The following GPC5 variants were observed in gnomAD, a reference collection of about 807,000 sequenced individuals.
GPC5 encodes the protein glypican-5.
A neutral mutation model predicts 53.9 loss-of-function variants in GPC5; 47 were observed. The observed-to-expected ratio is 0.87, with a 90% CI of 0.69 to 1.11. The LOEUF is 1.11. GPC5 is among the 50% of genes most tolerant of loss of function. GPC5 has a pLI of 0.00. For missense variants in GPC5, 748 were observed against 713.1 expected (o/e 1.05, Z -0.56); for synonymous variants, 286 against 263.3 (o/e 1.09, Z -0.84).
At chr13:92,527,824 A>T (rs1881421495) in intron 7 of GPC5, among the ~76,000 whole-genome samples, 1 of 152,138 alleles carries the variant, frequency 6.6e-6, no homozygotes. Context: ...TATAACACAG[A>T]GAAAATTACT....
At chr13:92,068,281 T>C (rs1162099570) in intron 6 of GPC5, among the ~76,000 whole-genome samples, 5 of 151,848 alleles carry the variant, frequency 3.3e-5, no homozygotes, top group African/African-American at 1.2e-4. Flanking sequence ...TAACAAAATA[T>C]TGATTCTAAA....
chr13:91,573,046 C>G (rs1183195090), intron 2 of GPC5, among the ~76,000 whole-genome samples: 1 of 152,144 alleles, frequency 6.6e-6, no homozygotes, highest in African/African-American at 2.4e-5. Context: ...TGAACAATGG[C>G]CCCTGTTACT....
intron 7 of GPC5, among the ~76,000 whole-genome samples, chr13:92,434,761 C>T (rs1877234171): frequency 6.6e-6 from 1 of 152,090 alleles, no homozygotes. Flanking sequence ...TATTAAAATA[C>T]CCTCCTAAAG....
intron 6 of GPC5, among the ~76,000 whole-genome samples, chr13:92,032,116 AT>A (rs2040857161): frequency 6.9e-6 from 1 of 145,638 alleles, no homozygotes; most frequent in Non-Finnish European, 1.5e-5. Context: ...AAAGGAACAA[AT>A]TAATGGCATT....
intron 7 of GPC5, among the ~76,000 whole-genome samples, chr13:92,596,247 A>C (rs1467949713): frequency 6.6e-6 from 1 of 152,192 alleles, no homozygotes; most frequent in Admixed American, 6.5e-5. Context: ...TTCTCAGAAA[A>C]TATCACTTAC....
At chr13:91,716,963 C>T (rs111586377) in intron 3 of GPC5, among the ~76,000 whole-genome samples, 17 of 152,210 alleles carry the variant, frequency 1.1e-4, no homozygotes, top group Non-Finnish European at 4.4e-5. Flanking sequence ...TTACTGAGAA[C>T]AACTGTAAAC....
chr13:92,496,685 G>A (rs964585602), intron 7 of GPC5, among the ~76,000 whole-genome samples: 2 of 152,158 alleles, frequency 1.3e-5, no homozygotes, highest in Admixed American at 6.5e-5. Context: ...AGCTTACTAA[G>A]CTTTAAGAAA....
chr13:92,441,500 A>T (rs1566591870), intron 7 of GPC5, among the ~76,000 whole-genome samples: 1 of 152,228 alleles, frequency 6.6e-6, no homozygotes, highest in East Asian at 1.9e-4. Context: ...CAGGATACAA[A>T]ATCAGTGTAC....
chr13:92,514,916 C>T (rs1475016855), intron 7 of GPC5, among the ~76,000 whole-genome samples: 1 of 152,162 alleles, frequency 6.6e-6, no homozygotes, highest in African/African-American at 2.4e-5. Context: ...ATTTCATGCA[C>T]CGTCATTGAC....
chr13:92,578,541 G>A (rs373081789), intron 7 of GPC5, among the ~76,000 whole-genome samples: 1 of 152,238 alleles, frequency 6.6e-6, no homozygotes, highest in South Asian at 2.1e-4. Flanking sequence ...AGCGTAATGC[G>A]GTCTGAGTCC....
intron 7 of GPC5, among the ~76,000 whole-genome samples, chr13:92,268,477 C>T (rs142765998): frequency 9.9e-4 from 151 of 151,930 alleles, no homozygotes; most frequent in African/African-American, 3.3e-3. Flanking sequence ...GTGGTACCTA[C>T]ATATCTTTAT....
chr13:91,401,874 T>TA (rs1658190054), intron 1 of GPC5, among the ~76,000 whole-genome samples: 1 of 152,172 alleles, frequency 6.6e-6, no homozygotes, highest in African/African-American at 2.4e-5. Context: ...ATGAGAAATG[T>TA]AAAAAAGGAG....
intron 2 of GPC5, among the ~76,000 whole-genome samples, chr13:91,453,406 A>C (rs1442831963): frequency 6.6e-6 from 1 of 152,052 alleles, no homozygotes; most frequent in East Asian, 1.9e-4. Flanking sequence ...CACAGGATAT[A>C]GTTAATATTC....
At chr13:92,293,415 T>G (rs2043011449) in intron 7 of GPC5, among the ~76,000 whole-genome samples, 1 of 145,166 alleles carries the variant, frequency 6.9e-6, no homozygotes, top group Non-Finnish European at 1.5e-5. Context: ...GGTTGGTTGG[T>G]TGGTTTCTTT....
chr13:92,422,580 TGA>T (rs2090859859), intron 7 of GPC5, among the ~76,000 whole-genome samples: 1 of 149,616 alleles, frequency 6.7e-6, no homozygotes, highest in Non-Finnish European at 1.5e-5. Context: ...TGACGAGAGG[TGA>T]GATTAGCCTG....
chr13:92,679,096 G>A (rs145577569), intron 7 of GPC5, among the ~76,000 whole-genome samples: 136 of 152,254 alleles, frequency 8.9e-4, no homozygotes, highest in African/African-American at 3.1e-3. Context: ...ATCTGAGTTC[G>A]GGAGATTTGA....
intron 6 of GPC5, among the ~76,000 whole-genome samples, chr13:91,991,919 A>T (rs2040460406): frequency 6.6e-6 from 1 of 152,236 alleles, no homozygotes; most frequent in Non-Finnish European, 1.5e-5. Flanking sequence ...CCAAATAAAA[A>T]ATGTATTATT....
intron 6 of GPC5, among the ~76,000 whole-genome samples, chr13:92,135,091 A>G (rs999091616): frequency 6.6e-6 from 1 of 151,924 alleles, no homozygotes; most frequent in African/African-American, 2.4e-5. Context: ...TACATTGCTT[A>G]CTCACAAAAT....
At chr13:91,597,145 T>C (rs2033024373) in intron 2 of GPC5, among the ~76,000 whole-genome samples, 1 of 152,184 alleles carries the variant, frequency 6.6e-6, no homozygotes, top group Non-Finnish European at 1.5e-5. Context: ...TCACTGTCTT[T>C]TACTGCCTGG....
Sources: allele counts gnomAD v4.1 joint callset (sites outside exome capture counted in the v4.1 genomes callset), GRCh38; gene constraint gnomAD v4.1.1; transcripts MANE v1.5; gene names NCBI Gene and HGNC (gene_info 2026-07-23, HGNC 2026-07-21).